Variants in GGTA1 observed in about 807,000 individuals in gnomAD.
GGTA1 encodes the protein glycoprotein alpha-galactosyltransferase 1 (inactive), also known as inactive N-acetyllactosaminide alpha-1,3-galactosyltransferase.
GGTA1 carries 5 observed loss-of-function variants against 2.6 expected under a neutral mutation model. That is an observed-to-expected ratio of 1.92 (90% CI 1.00 to 4.04). GGTA1 has a LOEUF of 4.04. Among genes scored for constraint, GGTA1 ranks in the 30% most tolerant of loss-of-function variants. GGTA1 has a pLI of 0.00. For synonymous variants in GGTA1, 17 were observed against 5.0 expected (o/e 3.38, Z -3.19); for missense variants, 50 against 16.7 (o/e 2.99, Z -3.47).
chr9:121,482,881 G>A (rs1828682376), intron 1 of GGTA1, among the ~76,000 whole-genome samples: 1 of 152,164 alleles, frequency 6.6e-6, no homozygotes, highest in East Asian at 1.9e-4. Flanking sequence ...GGGAGGCGGG[G>A]AGGAGGTTGC....
intron 2 of GGTA1, among the ~76,000 whole-genome samples, chr9:121,466,953 C>CAAAAAAAAAAAAAAAAAAAAATAAAAA (rs397894554): frequency 1.0e-5 from 1 of 99,970 alleles, no homozygotes; most frequent in Non-Finnish European, 2.0e-5. Context: ...GACTCTGTCT[C>CAAAAAAAAAAAAAAAAAAAAATAAAAA]AAAAAAAAAA....
At chr9:121,464,529 G>A (rs563516519) in intron 2 of GGTA1, among the ~76,000 whole-genome samples, 59 of 150,896 alleles carry the variant, frequency 3.9e-4, no homozygotes, top group South Asian at 1.0e-3. Flanking sequence ...GTTTCACCAC[G>A]TTGGTCAGGC....
chr9:121,481,184 C>T (rs1443706915), intron 1 of GGTA1, among the ~76,000 whole-genome samples: 1 of 149,560 alleles, frequency 6.7e-6, no homozygotes, highest in Non-Finnish European at 1.5e-5. Context: ...AAATTCATAG[C>T]ACACCCCAAA....
chr9:121,471,110 C>A (rs1828378805), intron 1 of GGTA1, among the ~76,000 whole-genome samples: 1 of 152,170 alleles, frequency 6.6e-6, no homozygotes, highest in Non-Finnish European at 1.5e-5. Flanking sequence ...GAGAAGAAAC[C>A]CGGGAGGGAG....
At chr9:121,450,334 G>C (rs918332874), downstream of GGTA1, among the ~76,000 whole-genome samples, 2 of 151,736 alleles carry the variant, frequency 1.3e-5, no homozygotes, top group African/African-American at 2.4e-5. Context: ...GGGTGGGGTG[G>C]CGGGGGGGTG....
At chr9:121,490,104 C>T (rs1208357225) in intron 1 of GGTA1, among the ~76,000 whole-genome samples, 1 of 152,126 alleles carries the variant, frequency 6.6e-6, no homozygotes, top group African/African-American at 2.4e-5. Context: ...CTGAATTTCT[C>T]TAGATTTTCT....
intron 2 of GGTA1, among the ~76,000 whole-genome samples, chr9:121,467,153 A>G (rs1457419188): frequency 2.0e-5 from 3 of 152,278 alleles, no homozygotes; most frequent in East Asian, 1.9e-4. Flanking sequence ...GGCATCAGGC[A>G]TTTCTGTGGC....
At chr9:121,498,169 T>C (rs1829030298) in intron 1 of GGTA1, among the ~76,000 whole-genome samples, 1 of 152,242 alleles carries the variant, frequency 6.6e-6, no homozygotes, top group Admixed American at 6.5e-5. Flanking sequence ...GCCAGAGCCC[T>C]GTCCTCTAGG....
At chr9:121,472,837 G>A (rs4837862) in intron 1 of GGTA1, among the ~76,000 whole-genome samples, 78,043 of 152,040 alleles carry the variant, frequency 0.51, 20,723 homozygotes, top group South Asian at 0.65. Context: ...TGGAAACATT[G>A]GCGCTTACAT....
chr9:121,457,593 C>T (rs1382978964), intron 5 of GGTA1, among the ~76,000 whole-genome samples: 15 of 149,302 alleles, frequency 1.0e-4, no homozygotes, highest in African/African-American at 3.7e-4. Context: ...CCCAGCTACT[C>T]GGGAGGCTGA....
intron 1 of GGTA1, among the ~76,000 whole-genome samples, chr9:121,491,647 T>C (rs1828872176): frequency 6.6e-6 from 1 of 152,014 alleles, no homozygotes; most frequent in Non-Finnish European, 1.5e-5. Flanking sequence ...TCTAGCTCTG[T>C]CACCCAGGCT....
chr9:121,467,712 A>T (rs2065014800), intron 2 of GGTA1, 131 bp downstream of exon 2: 1 of 348,312 alleles, frequency 2.9e-6, no homozygotes, highest in Non-Finnish European at 5.6e-6. Context: ...GAATTCAGGA[A>T]GGGTGGAATC....
chr9:121,450,124 C>A (rs2064871403), downstream of GGTA1, among the ~76,000 whole-genome samples: 1 of 152,146 alleles, frequency 6.6e-6, no homozygotes, highest in Middle Eastern at 3.4e-3. Flanking sequence ...TTATTTGTTA[C>A]CAAAATAAAG....
intron 2 of GGTA1, among the ~76,000 whole-genome samples, chr9:121,467,109 T>G (rs961441457): frequency 6.6e-6 from 1 of 152,154 alleles, no homozygotes; most frequent in African/African-American, 2.4e-5. Context: ...TTTTTGAACC[T>G]TAAGGCTGAG....
intron 1 of GGTA1, among the ~76,000 whole-genome samples, chr9:121,477,237 T>TAA (rs1828528451): frequency 6.6e-6 from 1 of 152,194 alleles, no homozygotes; most frequent in Admixed American, 6.5e-5. Context: ...TAAAATAAAT[T>TAA]GCTCTAAACT....
chr9:121,487,235 T>C (rs1194712502), intron 1 of GGTA1, among the ~76,000 whole-genome samples: 1 of 152,084 alleles, frequency 6.6e-6, no homozygotes, highest in Non-Finnish European at 1.5e-5. Flanking sequence ...AAGATGTTTG[T>C]CCTGGGTTGA....
At chr9:121,487,525 G>A (rs111246254) in intron 1 of GGTA1, among the ~76,000 whole-genome samples, 254 of 140,736 alleles carry the variant, frequency 1.8e-3, no homozygotes, top group Middle Eastern at 7.9e-3. Flanking sequence ...GCAGTGACCC[G>A]AGATCGCGCC....
At chr9:121,463,107 G>A (rs1458493938) in intron 3 of GGTA1, 186 bp downstream of exon 3, 1 of 337,918 alleles carries the variant, frequency 3.0e-6, no homozygotes, top group African/African-American at 2.2e-5. Flanking sequence ...TACAAGCCAT[G>A]GTTCTATACA....
intron 1 of GGTA1, among the ~76,000 whole-genome samples, chr9:121,496,428 A>C (rs945019375): frequency 6.6e-6 from 1 of 152,010 alleles, no homozygotes; most frequent in Non-Finnish European, 1.5e-5. Flanking sequence ...CTTAAAATTC[A>C]ATCGTAAAAA....
Sources: gnomAD v4.1 joint callset for allele counts (sites outside exome capture counted in the v4.1 genomes callset) on GRCh38, gnomAD v4.1.1 for gene constraint, MANE v1.5 for transcripts, NCBI Gene and HGNC (gene_info 2026-07-23, HGNC 2026-07-21) for gene names.